Variants in FLYWCH1 observed in about 807,000 individuals in gnomAD.
The protein encoded by FLYWCH1 is FLYWCH-type zinc finger-containing protein 1.
Under a neutral mutation model 66.4 loss-of-function variants are expected in FLYWCH1, and 75 were observed. The ratio of observed to expected loss-of-function variants is 1.13; its 90% confidence interval spans 0.94 to 1.37. The LOEUF is 1.37. FLYWCH1 is among the 40% of genes most tolerant of loss of function. The probability of loss-of-function intolerance (pLI) is 0.00; values close to 1 mark genes in which losing one functional copy is unlikely to be tolerated. For synonymous variants in FLYWCH1, 595 were observed against 429.9 expected (o/e 1.38, Z -4.75); for missense variants, 1,334 against 1,001.8 (o/e 1.33, Z -4.48).
intron 9 of FLYWCH1, among the ~76,000 whole-genome samples, chr16:2,944,900 A>G (rs1448568334): frequency 3.3e-5 from 5 of 152,160 alleles, no homozygotes; most frequent in African/African-American, 1.2e-4. Flanking sequence ...TATCCAAAAG[A>G]AGGCACTGTC....
chr16:2,946,433 TCCCTCAGCC>T (rs2151028244), intron 9 of FLYWCH1, among the ~76,000 whole-genome samples: 1 of 147,570 alleles, frequency 6.8e-6, no homozygotes, highest in Admixed American at 7.0e-5. Flanking sequence ...GCGATTCTCC[TCCCTCAGCC>T]CCCTGAGTAG....
chr16:2,931,305 T>TAA (rs150704073), intron 4 of FLYWCH1, among the ~76,000 whole-genome samples: 914 of 87,448 alleles, frequency 0.01, 18 homozygotes, highest in African/African-American at 0.041. Context: ...TCCATCTCAG[T>TAA]AAAAAAAAAA....
At chr16:2,930,921 G>C in intron 4 of FLYWCH1, 41 bp downstream of exon 4, 1 of 1,455,252 alleles carries the variant, frequency 6.9e-7, no homozygotes, top group Non-Finnish European at 9.2e-7. Context: ...ACTCGGGGCA[G>C]GGGACCCGAG....
chr16:2,920,126 T>C (rs2070318177), intron 2 of FLYWCH1, among the ~76,000 whole-genome samples: 1 of 152,182 alleles, frequency 6.6e-6, no homozygotes, highest in Non-Finnish European at 1.5e-5. Flanking sequence ...CATTCTGAAA[T>C]AGTTTCTATA....
Position 2,930,862 on chromosome 16 carries a change from C to T in FLYWCH1, c.778C>T (p.Arg260Cys), listed in dbSNP as rs2070738828. 1.3e-6 allele frequency: 2 copies of T among 1,598,222 alleles called. No individual in the cohort carries two copies. The highest frequency in any genetic ancestry group is 1.7e-6 in the Non-Finnish European group (2 of 1,176,504). The change falls in exon 4 of 10, where the codon CGC becomes TGC. Residue 260 changes from arginine to cysteine, a missense_variant. Physicochemically the swap from Arg to Cys is radical, Grantham distance 180 (BLOSUM62 -3). Coordinates refer to ENST00000253928, the MANE Select transcript of FLYWCH1 (RefSeq NM_001308068.2). ...LSLLSLPPKK[R>C]SILGLGQARP... The stretch of plus-strand genomic sequence containing the variant: ...ACTGCTGAGCCTGCCGCCCAAGAAG[C>T]GCTCGATCCTGGGGCTGGGTGAGTA...
At chr16:2,915,244 GA>G (rs1182069783) in intron 2 of FLYWCH1, 1 of 151,582 alleles carries the variant, frequency 6.6e-6, no homozygotes, top group East Asian at 1.9e-4. Flanking sequence ...TAGGTTCAGT[GA>G]GTTCTGCCTC....
At chr16:2,924,913 C>G (rs147486710) in intron 2 of FLYWCH1, among the ~76,000 whole-genome samples, 11 of 152,314 alleles carry the variant, frequency 7.2e-5, no homozygotes, top group African/African-American at 2.6e-4. Flanking sequence ...GGGAAGTGGT[C>G]GCCAGAGGAC....
chr16:2,947,213 C>G (rs1406304839), intron 9 of FLYWCH1, among the ~76,000 whole-genome samples: 1 of 152,152 alleles, frequency 6.6e-6, no homozygotes, highest in Non-Finnish European at 1.5e-5. Context: ...CTTAAAGAAG[C>G]CAGTCACAAA....
rs769550183 is a variant in FLYWCH1, at chr16:2,929,710, C to A, written c.25C>A (p.Gln9Lys). MPLPEPSEQEGESVKAGQE... is the reference protein window; with the variant it reads MPLPEPSEKEGESVKAGQE... ...GATGCCCCTGCCCGAGCCCAGCGAG[C>A]AGGAGGGCGAGAGTGTGAAGGCCGG... Residue 9 changes from glutamine (Q) to lysine (K), a missense_variant, in exon 3 of 10, where the codon CAG becomes AAG. Gln to Lys is a moderately conservative substitution (Grantham distance 53). Transcript: ENST00000253928. The A allele has an allele frequency of 1.9e-6, 3 of 1,612,856 alleles. No homozygotes were observed. The Middle Eastern group carries it at 5.0e-4, about 267-fold the overall frequency.
intron 9 of FLYWCH1, among the ~76,000 whole-genome samples, chr16:2,947,418 T>TAAA (rs2071529410): frequency 1.3e-5 from 1 of 78,692 alleles, no homozygotes; most frequent in Admixed American, 1.3e-4. Context: ...AATTGTACAC[T>TAAA]TAACGGATTT....
chr16:2,934,496 G>A (rs770806086), intron 6 of FLYWCH1: 99 of 374,856 alleles, frequency 2.6e-4, no homozygotes, highest in African/African-American at 1.0e-3. Flanking sequence ...TCGGCCCCCC[G>A]CAGTGCCTGG....
chr16:2,928,143 C>T (rs1447541767), intron 2 of FLYWCH1, among the ~76,000 whole-genome samples: 1 of 152,222 alleles, frequency 6.6e-6, no homozygotes, highest in African/African-American at 2.4e-5. Flanking sequence ...GCGTATCTTG[C>T]CTCCAGCCAC....
At chr16:2,921,303 T>C (rs943844716) in intron 2 of FLYWCH1, among the ~76,000 whole-genome samples, 1 of 150,860 alleles carries the variant, frequency 6.6e-6, no homozygotes, top group African/African-American at 2.5e-5. Context: ...TCATTGCTTT[T>C]AATATATTCA....
chr16:2,930,638 G>A lies in FLYWCH1; in HGVS notation c.554G>A (p.Arg185His), dbSNP rs1335243063. 7 of 1,547,972 alleles carry A rather than the reference G, an allele frequency of 4.5e-6. No homozygotes were observed. The highest frequency in any genetic ancestry group is 6.1e-6 in the Non-Finnish European group (7 of 1,147,362). ...APDEQGLEAR[R>H]QREKLPSLAL... ...GATGAGCAAGGCCTGGAGGCCCGGC[G>A]CCAGAGGGAGAAACTGCCCAGCCTG... is the stretch of plus-strand genomic sequence containing the variant. Residue 185 changes from arginine (R) to histidine (H), a missense_variant, in exon 4 of 10, where the codon CGC becomes CAC. By Grantham distance (29) the Arg-to-His change is conservative. Coordinates refer to ENST00000253928, the MANE Select transcript of FLYWCH1 (RefSeq NM_001308068.2).
chr16:2,940,468 G>C (rs898413788), intron 9 of FLYWCH1, among the ~76,000 whole-genome samples: 1 of 152,214 alleles, frequency 6.6e-6, no homozygotes, highest in Non-Finnish European at 1.5e-5. Flanking sequence ...GATGGAGTCT[G>C]TGTGTGGCCC....
At chr16:2,942,720 CTTTTTTTT>C (rs34247000) in intron 9 of FLYWCH1, among the ~76,000 whole-genome samples, 4 of 82,782 alleles carry the variant, frequency 4.8e-5, no homozygotes, top group African/African-American at 1.5e-4. Context: ...CATCTGGGAA[CTTTTTTTT>C]TTTTTTTTTT....
At chr16:2,926,649 A>G (rs1050682157) in intron 2 of FLYWCH1, among the ~76,000 whole-genome samples, 5 of 152,372 alleles carry the variant, frequency 3.3e-5, no homozygotes, top group African/African-American at 1.2e-4. Flanking sequence ...TTGTGGCAAG[A>G]TTGCACGGTG....
At chr16:2,937,902 G>A (rs2071084539) in intron 7 of FLYWCH1, among the ~76,000 whole-genome samples, 1 of 152,126 alleles carries the variant, frequency 6.6e-6, no homozygotes. Context: ...GGATGCACCT[G>A]CAAGCATGAG....
At chr16:2,927,153 G>T (rs2070596306) in intron 2 of FLYWCH1, among the ~76,000 whole-genome samples, 1 of 152,188 alleles carries the variant, frequency 6.6e-6, no homozygotes, top group Non-Finnish European at 1.5e-5. Flanking sequence ...CATGGCGGTG[G>T]TGTTTAATAC....
Sources: gnomAD v4.1 joint callset for allele counts (sites outside exome capture counted in the v4.1 genomes callset) on GRCh38, gnomAD v4.1.1 for gene constraint, MANE v1.5 for transcripts, NCBI Gene and HGNC (gene_info 2026-07-23, HGNC 2026-07-21) for gene names.